The following NDC1 variants were observed in gnomAD, a reference collection of about 807,000 sequenced individuals.
NDC1 encodes nucleoporin NDC1.
NDC1 carries 24 observed loss-of-function variants against 89.8 expected under a neutral mutation model. That is an observed-to-expected ratio of 0.27 (90% CI 0.19 to 0.38). The LOEUF (loss-of-function observed/expected upper bound fraction) is 0.38. Among genes scored for constraint, NDC1 ranks in the 10% least tolerant of loss-of-function variants. The probability of loss-of-function intolerance (pLI) is 1.00; values close to 1 mark genes in which losing one functional copy is unlikely to be tolerated. For synonymous variants in NDC1, 296 were observed against 284.8 expected (o/e 1.04, Z -0.39); for missense variants, 728 against 797.6 (o/e 0.91, Z 1.05).
At chr1:53,771,401 A>G (rs1027850068) in intron 17 of NDC1, among the ~76,000 whole-genome samples, 2 of 152,190 alleles carry the variant, frequency 1.3e-5, no homozygotes, top group Non-Finnish European at 2.9e-5. Context: ...TATCTGTACA[A>G]TTATGATAAT....
intron 9 of NDC1, among the ~76,000 whole-genome samples, chr1:53,805,870 C>T (rs1450283330): frequency 2.0e-5 from 3 of 152,032 alleles, no homozygotes; most frequent in Non-Finnish European, 4.4e-5. Flanking sequence ...GTCAGGAGAT[C>T]GAGACCATCC....
At chr1:53,773,880 G>A (rs948522499) in intron 16 of NDC1, among the ~76,000 whole-genome samples, 1 of 152,144 alleles carries the variant, frequency 6.6e-6, no homozygotes, top group Non-Finnish European at 1.5e-5. Context: ...CAGTGGAAGA[G>A]GAGCAATTAC....
intron 10 of NDC1, among the ~76,000 whole-genome samples, chr1:53,801,400 CAG>C (rs1647911693): frequency 1.3e-5 from 2 of 152,210 alleles, no homozygotes; most frequent in Non-Finnish European, 2.9e-5. Context: ...ACTTTACACT[CAG>C]AGAGCTTACA....
Position 53,827,985 on chromosome 1 carries a change from A to G in NDC1, c.455+14T>C. On this transcript the variant is annotated intron_variant, in intron 4 of 17. Coordinates refer to ENST00000371429, the MANE Select transcript of NDC1 (RefSeq NM_018087.5). ...GTAAATGAGATTCCTAAGGAAATAT[A>G]TATTTAATATTACCTGTTAGTACCA... The G allele has an allele frequency of 1.3e-6, 2 of 1,574,512 alleles. No homozygotes were observed. The highest frequency in any genetic ancestry group is 1.7e-6 in the Non-Finnish European group (2 of 1,155,758).
chr1:53,826,742 C>G (rs1648877681), intron 4 of NDC1, among the ~76,000 whole-genome samples: 1 of 152,102 alleles, frequency 6.6e-6, no homozygotes, highest in Non-Finnish European at 1.5e-5. Flanking sequence ...CAGTAGAACT[C>G]AATTTTTAAT....
intron 16 of NDC1, among the ~76,000 whole-genome samples, chr1:53,783,310 G>A (rs1284717153): frequency 6.6e-6 from 1 of 152,044 alleles, no homozygotes; most frequent in African/African-American, 2.4e-5. Context: ...AGACTATGAG[G>A]CAGTTTTCAA....
At chr1:53,822,760 G>A (rs1455200927) in intron 5 of NDC1, among the ~76,000 whole-genome samples, 2 of 151,980 alleles carry the variant, frequency 1.3e-5, no homozygotes, top group African/African-American at 4.8e-5. Context: ...AACATACTCA[G>A]ACTGTCTGGC....
At position 53,789,019 on chromosome 1, in the gene NDC1, G is replaced by A. The variant is rs944518977; in HGVS notation, c.1699+114C>T. ...CTATATAAAACAAAGATATAAAAAC[G>A]AATCTGTACATTCAAAGACTGAAAT... On this transcript the variant is annotated intron_variant, in intron 15 of 17. Coordinates refer to ENST00000371429, the MANE Select transcript of NDC1 (RefSeq NM_018087.5). The A allele has an allele frequency of 1.3e-5, 9 of 676,834 alleles. No homozygotes were observed. In the East Asian group the frequency reaches 2.1e-4, roughly 16 times the overall value. 41.9% of individuals were successfully genotyped at this position (676,834 alleles called of 1,614,324 possible).
At chr1:53,808,917 C>T (rs1489828970) in intron 7 of NDC1, among the ~76,000 whole-genome samples, 2 of 152,118 alleles carry the variant, frequency 1.3e-5, no homozygotes, top group Admixed American at 1.3e-4. Flanking sequence ...TAGTGAATTC[C>T]ATATATGAAA....
chr1:53,772,747 T>A (rs1647128311), intron 16 of NDC1, among the ~76,000 whole-genome samples: 1 of 149,720 alleles, frequency 6.7e-6, no homozygotes, highest in African/African-American at 2.5e-5. Flanking sequence ...TAATATAACA[T>A]AAAATAAAAT....
chr1:53,789,778 A>G (rs1217760525), intron 14 of NDC1, among the ~76,000 whole-genome samples: 19 of 149,268 alleles, frequency 1.3e-4, no homozygotes, highest in Non-Finnish European at 2.2e-4. Context: ...CAGCCTGGGC[A>G]ACAAGAGTGA....
intron 5 of NDC1, among the ~76,000 whole-genome samples, chr1:53,823,072 C>T (rs894031667): frequency 3.9e-5 from 6 of 152,156 alleles, no homozygotes; most frequent in Non-Finnish European, 8.8e-5. Context: ...CAAACCTACC[C>T]TGCCAGGCAA....
chr1:53,779,854 AGACTCT>A (rs1463216772), intron 16 of NDC1, among the ~76,000 whole-genome samples: 1 of 152,206 alleles, frequency 6.6e-6, no homozygotes, highest in African/African-American at 2.4e-5. Context: ...AACCGAGAAT[AGACTCT>A]GACTGATACA....
chr1:53,771,587 G>A (rs1488625589), intron 17 of NDC1, among the ~76,000 whole-genome samples: 5 of 152,132 alleles, frequency 3.3e-5, no homozygotes, highest in African/African-American at 1.2e-4. Flanking sequence ...CTTCAAATGT[G>A]GCTAGGGTGA....
In NDC1 at chr1:53,825,923, C is replaced by A. The variant is rs1221579877; in HGVS notation, c.469G>T (p.Ala157Ser). The A allele has an allele frequency of 5.0e-6, 8 of 1,611,398 alleles. No homozygotes were observed. The highest frequency in any genetic ancestry group is 6.8e-6 in the Non-Finnish European group (8 of 1,179,228). Residue 157 changes from alanine (A) to serine (S), a missense_variant, in exon 5 of 18, where the codon GCT (alanine) becomes TCT (serine). Physicochemically the swap from Ala to Ser is moderately conservative, Grantham distance 99. Transcript: ENST00000371429. The part of the protein sequence containing the change: ...CTGTNSFGSP[A>S]AQTCLNEYHL... ...TATTCATTTAAGCAGGTTTGCGCAG[C>A]AGGGCTACCAAAGCTGAAGGGAAAA...
At chr1:53,804,154 T>C (rs1648023822) in intron 9 of NDC1, 145 bp from the exon 10 acceptor site, 2 of 613,342 alleles carry the variant, frequency 3.3e-6, no homozygotes. Context: ...TAACCTTCCT[T>C]TCTAGACTTC....
chr1:53,768,076 T>A, intron 17 of NDC1, 43 bp from the exon 18 acceptor site: 1 of 1,333,302 alleles, frequency 7.5e-7, no homozygotes, highest in Non-Finnish European at 1.1e-6. Flanking sequence ...TATTTTACAT[T>A]AAGCATATTA....
chr1:53,774,617 A>T (rs1449219133), intron 16 of NDC1, among the ~76,000 whole-genome samples: 1 of 152,184 alleles, frequency 6.6e-6, no homozygotes, highest in African/African-American at 2.4e-5. Context: ...GGCCAGGCAC[A>T]ATGGCTCACA....
chr1:53,819,136 C>T (rs763568592), intron 5 of NDC1, 57 bp from the exon 6 acceptor site: 4 of 816,490 alleles, frequency 4.9e-6, no homozygotes, highest in Admixed American at 2.3e-5. Flanking sequence ...ATACACTCAA[C>T]ATCACCTTAA....
Sources: allele counts gnomAD v4.1 joint callset (sites outside exome capture counted in the v4.1 genomes callset), GRCh38; gene constraint gnomAD v4.1.1; transcripts MANE v1.5; gene names NCBI Gene and HGNC (gene_info 2026-07-23, HGNC 2026-07-21).